Variants in RIPOR2 observed in about 807,000 individuals in gnomAD.
RIPOR2 encodes the protein rho family-interacting cell polarization regulator 2.
In RIPOR2, 39 loss-of-function variants were observed where a neutral mutation model predicts 114.5. That is an observed-to-expected ratio of 0.34 (90% CI 0.26 to 0.44). The LOEUF is 0.44. RIPOR2 is among the 20% of genes least tolerant of loss of function. The pLI is 1.00. For synonymous variants in RIPOR2, 445 were observed against 484.4 expected, an observed-to-expected ratio of 0.92 and a Z score of 1.07; for missense variants, 1,007 against 1,255.1, an observed-to-expected ratio of 0.80 and a Z score of 2.99.
At chr6:24,952,412 C>T (rs1164682274) in intron 1 of RIPOR2, among the ~76,000 whole-genome samples, 1 of 152,124 alleles carries the variant, frequency 6.6e-6, no homozygotes. Flanking sequence ...ATAACTAGCT[C>T]TGAGGTAAGG....
chr6:24,809,592 C>T (rs900594909), intron 21 of RIPOR2, 125 bp downstream of exon 21: 13 of 671,074 alleles, frequency 1.9e-5, no homozygotes, highest in East Asian at 8.2e-5. Context: ...CAGCCTACAG[C>T]GGGGAAACTG....
intron 20 of RIPOR2, among the ~76,000 whole-genome samples, chr6:24,811,298 A>G (rs1232778293): frequency 1.5e-5 from 2 of 129,286 alleles, no homozygotes; most frequent in Admixed American, 9.2e-5. Flanking sequence ...CAGTGGTGCA[A>G]TCTTGGCTCA....
chr6:24,994,769 C>T (rs1372926532), intron 1 of RIPOR2, among the ~76,000 whole-genome samples: 1 of 152,054 alleles, frequency 6.6e-6, no homozygotes, highest in Non-Finnish European at 1.5e-5. Flanking sequence ...AACTTGCATA[C>T]CAGAATCATA....
In RIPOR2 at chr6:24,875,774, C is replaced by T. The variant is rs376465905; in HGVS notation, c.105G>A (p.Gln35=). The change falls in exon 2 of 22, where the codon CAG becomes CAA. Residue 35 remains glutamine, a synonymous_variant. Coordinates refer to ENST00000643898, the MANE Select transcript of RIPOR2 (RefSeq NM_001286445.3). ...CATTGGGCCCTCCAGGCGAAAAAGACTGGGATCCTACCAACATGATTTCCG... is the reference window on the plus strand; with the variant it reads ...CATTGGGCCCTCCAGGCGAAAAAGATTGGGATCCTACCAACATGATTTCCG... ...RLPEIMLVGS[Q]SFSPGGPNGI... The T allele has an allele frequency of 3.5e-5, 57 of 1,613,482 alleles. 1 individual carries two copies. The South Asian group carries it at 4.5e-4, about 13-fold the overall frequency.
In RIPOR2 at chr6:24,839,365, T is replaced by C; in HGVS notation, c.1858-93A>G. The C allele has an allele frequency of 2.1e-6, 3 of 1,452,254 alleles. No individual in the cohort carries two copies. In the Admixed American group the frequency reaches 8.5e-5, roughly 41 times the overall value. The allele number at this position is 1,452,254 out of a possible 1,614,324, so 90.0% of individuals were successfully genotyped here. On this transcript the variant is annotated intron_variant, in intron 13 of 21. Coordinates refer to ENST00000643898, the MANE Select transcript of RIPOR2 (RefSeq NM_001286445.3). ...TCAATTGGAGATGCCACACTTTTTT[T>C]TTTGTTTCAAGTTTTTATTTTTTGT...
At chr6:24,980,482 G>C (rs1486966203) in intron 1 of RIPOR2, among the ~76,000 whole-genome samples, 1 of 152,158 alleles carries the variant, frequency 6.6e-6, no homozygotes, top group Non-Finnish European at 1.5e-5. Context: ...TGTATTCCCT[G>C]ATGTGAAGAT....
intron 1 of RIPOR2, among the ~76,000 whole-genome samples, chr6:24,942,348 C>CA (rs1180594372): frequency 6.6e-6 from 1 of 151,950 alleles, no homozygotes; most frequent in Non-Finnish European, 1.5e-5. Context: ...ATACGATTGA[C>CA]AAAAAATTAA....
intron 1 of RIPOR2, among the ~76,000 whole-genome samples, chr6:24,882,987 G>A (rs1581701608): frequency 6.6e-6 from 1 of 152,122 alleles, no homozygotes. Context: ...ATGAGACCAG[G>A]GCTTTTCTAT....
chr6:24,825,990 G>A (rs557254159), intron 18 of RIPOR2, among the ~76,000 whole-genome samples: 3 of 137,932 alleles, frequency 2.2e-5, no homozygotes, highest in Non-Finnish European at 4.6e-5. Context: ...CAAATGGTGT[G>A]ATCTCGGTTC....
At chr6:25,023,878 C>G in intron 1 of RIPOR2, 1 of 724,362 alleles carries the variant, frequency 1.4e-6, no homozygotes, top group Non-Finnish European at 2.6e-6. Flanking sequence ...CGTGTAGAGA[C>G]CTGGAGGCAC....
intron 7 of RIPOR2, among the ~76,000 whole-genome samples, chr6:24,863,791 A>G (rs1008893241): frequency 6.6e-6 from 1 of 152,218 alleles, no homozygotes; most frequent in African/African-American, 2.4e-5. Flanking sequence ...TTTTTAAAAA[A>G]TCATTTATAC....
At chr6:24,862,304 T>C (rs1038784585) in intron 7 of RIPOR2, among the ~76,000 whole-genome samples, 2 of 152,186 alleles carry the variant, frequency 1.3e-5, no homozygotes, top group African/African-American at 4.8e-5. Flanking sequence ...TCTGCAGGCT[T>C]CTCCCTCAGT....
intron 1 of RIPOR2, among the ~76,000 whole-genome samples, chr6:24,925,604 A>G (rs1770807528): frequency 6.6e-6 from 1 of 152,106 alleles, no homozygotes; most frequent in African/African-American, 2.4e-5. Flanking sequence ...CAGGAGGCTG[A>G]GGCAGGAGAA....
chr6:24,873,044 G>T, intron 3 of RIPOR2, 85 bp from the exon 4 acceptor site: 1 of 905,032 alleles, frequency 1.1e-6, no homozygotes, highest in Non-Finnish European at 1.8e-6. Context: ...CCTTCTCAAA[G>T]GGGATTAAGA....
intron 13 of RIPOR2, chr6:24,840,796 G>C: frequency 6.5e-7 from 1 of 1,534,688 alleles, no homozygotes; most frequent in Non-Finnish European, 8.7e-7. Flanking sequence ...GAAGGAGGGA[G>C]AAAAGAGAAA....
upstream of RIPOR2, among the ~76,000 whole-genome samples, chr6:24,937,077 C>G (rs1169907782): frequency 2.0e-5 from 3 of 152,156 alleles, no homozygotes; most frequent in African/African-American, 7.2e-5. Context: ...GAAGGGATCA[C>G]CCCAGAGGAA....
chr6:24,852,241 A>G (rs1763030022), intron 9 of RIPOR2, among the ~76,000 whole-genome samples: 1 of 152,082 alleles, frequency 6.6e-6, no homozygotes, highest in South Asian at 2.1e-4. Context: ...CAGCCTGGGC[A>G]ACAGAGCGAG....
chr6:24,806,576 T>C, intron 21 of RIPOR2, 103 bp from the exon 22 acceptor site: 1 of 781,396 alleles, frequency 1.3e-6, no homozygotes, highest in Admixed American at 3.3e-5. Flanking sequence ...TGCTATAATA[T>C]GCTATGCTAA....
At chr6:24,900,522 A>G (rs935293568) in intron 1 of RIPOR2, among the ~76,000 whole-genome samples, 2 of 152,064 alleles carry the variant, frequency 1.3e-5, no homozygotes, top group South Asian at 4.2e-4. Context: ...ACTTTGGGAG[A>G]CCGATGCAGG....
Sources: allele counts gnomAD v4.1 joint callset (sites outside exome capture counted in the v4.1 genomes callset), GRCh38; gene constraint gnomAD v4.1.1; transcripts MANE v1.5; gene names NCBI Gene and HGNC (gene_info 2026-07-23, HGNC 2026-07-21).